The following CAAP1 variants were observed in gnomAD, a reference collection of about 807,000 sequenced individuals.
The protein encoded by CAAP1 is conserved anti-apoptotic protein.
Under a neutral mutation model 34.0 loss-of-function variants are expected in CAAP1, and 20 were observed. That is an observed-to-expected ratio of 0.59 (90% CI 0.41 to 0.86). The LOEUF (loss-of-function observed/expected upper bound fraction) is 0.86, where lower values mean the gene tolerates loss of function less well. CAAP1 is among the 40% of genes least tolerant of loss of function. The pLI is 0.00. For missense variants in CAAP1, 538 were observed against 450.5 expected, an observed-to-expected ratio of 1.19 and a Z score of -1.76; for synonymous variants, 213 against 166.7, an observed-to-expected ratio of 1.28 and a Z score of -2.14.
rs1053537547 is a variant in CAAP1, at chr9:26,841,329, A to T, written c.*972T>A. 5.2e-5 allele frequency: 8 copies of T among 152,616 alleles called. No homozygotes were observed. The highest frequency in any genetic ancestry group is 1.9e-4 in the African/African-American group (8 of 41,464). The allele number at this position is 152,616 out of a possible 1,614,324, so 9.5% of individuals were successfully genotyped here. A position where few individuals can be genotyped will look rare whatever the true frequency, so the allele number is the denominator to read the frequency against. On this transcript the variant is annotated 3_prime_UTR_variant, in exon 6 of 6. Transcript: ENST00000333916. ...ATTTTGGTATCAAACAACTGCAATTAGTGATGGGGGGATAAAAGCATCCCT... is the reference window on the plus strand; with the variant it reads ...ATTTTGGTATCAAACAACTGCAATTTGTGATGGGGGGATAAAAGCATCCCT...
At chr9:26,890,043 T>C (rs998766225) in intron 1 of CAAP1, among the ~76,000 whole-genome samples, 6 of 152,090 alleles carry the variant, frequency 3.9e-5, no homozygotes, top group African/African-American at 9.7e-5. Context: ...CAATATTCAA[T>C]TGACCAGTGT....
chr9:26,843,730 G>C lies in CAAP1; in HGVS notation c.740-1083C>G, dbSNP rs12351240. 8.2e-3 allele frequency among the ~76,000 whole-genome samples: 1,250 copies of C among 151,950 alleles called. 13 individuals carry two copies. Among genetic ancestry groups the C allele is most frequent in the African/African-American group, 0.028 (1,178 of 41,454 alleles). On this transcript the variant is annotated intron_variant, in intron 5 of 5. Coordinates refer to ENST00000333916, the MANE Select transcript of CAAP1 (RefSeq NM_024828.4). ...TGACAGATGGTAAATTCTGATAACA[G>C]ACTGTACAGGAAGGACATAAACAAT...
At chr9:26,844,900 C>T (rs1822561374) in intron 5 of CAAP1, among the ~76,000 whole-genome samples, 1 of 152,166 alleles carries the variant, frequency 6.6e-6, no homozygotes, top group African/African-American at 2.4e-5. Flanking sequence ...TGATGTTCTA[C>T]ACGTGGCAAG....
intron 5 of CAAP1, among the ~76,000 whole-genome samples, chr9:26,856,739 T>C (rs1168424756): frequency 2.6e-5 from 4 of 152,176 alleles, no homozygotes; most frequent in Admixed American, 6.5e-5. Context: ...TCCAAGGCCA[T>C]ACAGAAAAAA....
At chr9:26,883,442 CTT>C (rs1375374356) in intron 4 of CAAP1, among the ~76,000 whole-genome samples, 1 of 152,152 alleles carries the variant, frequency 6.6e-6, no homozygotes, top group South Asian at 2.1e-4. Flanking sequence ...CATTAAATCT[CTT>C]TTTCCTTATA....
chr9:26,879,809 G>A (rs1004999493), intron 4 of CAAP1, among the ~76,000 whole-genome samples: 4 of 152,178 alleles, frequency 2.6e-5, no homozygotes, highest in African/African-American at 4.8e-5. Flanking sequence ...AGGGGCTCTC[G>A]GCCTTTGGCC....
At chr9:26,842,780 A>C in intron 5 of CAAP1, 133 bp from the exon 6 acceptor site, 1 of 641,518 alleles carries the variant, frequency 1.6e-6, no homozygotes, top group Non-Finnish European at 2.6e-6. Context: ...CATAATCCCC[A>C]TGCCACCCTC....
intron 3 of CAAP1, among the ~76,000 whole-genome samples, chr9:26,885,781 A>G (rs780846987): frequency 5.4e-4 from 83 of 152,308 alleles, no homozygotes; most frequent in Non-Finnish European, 9.4e-4. Flanking sequence ...AAAGCAGAAA[A>G]TTAAAAAGAT....
At chr9:26,848,358 C>CA (rs941184559) in intron 5 of CAAP1, among the ~76,000 whole-genome samples, 3 of 151,628 alleles carry the variant, frequency 2.0e-5, no homozygotes, top group South Asian at 2.1e-4. Context: ...CCAAAAAATA[C>CA]AAAAAAAATT....
intron 5 of CAAP1, among the ~76,000 whole-genome samples, chr9:26,852,023 A>T (rs1422275214): frequency 6.6e-6 from 1 of 152,112 alleles, no homozygotes; most frequent in Non-Finnish European, 1.5e-5. Flanking sequence ...CTTGATTCTA[A>T]TTTTAGATAA....
chr9:26,862,002 G>GTT (rs112458124), intron 4 of CAAP1, among the ~76,000 whole-genome samples: 6,478 of 152,188 alleles, frequency 0.043, 467 homozygotes, highest in African/African-American at 0.15. Flanking sequence ...GCACTTAAAT[G>GTT]TGTTTTGTAT....
chr9:26,875,471 G>C (rs1823406719), intron 4 of CAAP1, among the ~76,000 whole-genome samples: 1 of 152,104 alleles, frequency 6.6e-6, no homozygotes, highest in Non-Finnish European at 1.5e-5. Flanking sequence ...CCTACTAAAA[G>C]AAAACATCAA....
At chr9:26,877,234 T>C (rs1399919985) in intron 4 of CAAP1, among the ~76,000 whole-genome samples, 4 of 152,206 alleles carry the variant, frequency 2.6e-5, no homozygotes, top group Non-Finnish European at 5.9e-5. Context: ...GAATTTAATG[T>C]TTAGACTTGG....
intron 4 of CAAP1, among the ~76,000 whole-genome samples, chr9:26,877,993 G>A (rs563048563): frequency 6.6e-6 from 1 of 152,056 alleles, no homozygotes; most frequent in African/African-American, 2.4e-5. Flanking sequence ...ACATGAGGAT[G>A]ATAAAGCCTT....
chr9:26,886,241 T>A, intron 2 of CAAP1, 53 bp from the exon 3 acceptor site: 1 of 866,242 alleles, frequency 1.2e-6, no homozygotes, highest in Non-Finnish European at 1.7e-6. Context: ...AGCCCCAATG[T>A]AAACTGGAAA....
intron 5 of CAAP1, among the ~76,000 whole-genome samples, chr9:26,849,410 T>C (rs1822689394): frequency 6.6e-6 from 1 of 152,200 alleles, no homozygotes; most frequent in African/African-American, 2.4e-5. Context: ...AAGGAATATA[T>C]CGTATCTTCT....
intron 4 of CAAP1, among the ~76,000 whole-genome samples, 153 bp downstream of exon 4, chr9:26,884,657 G>A (rs184197990): frequency 5.9e-5 from 9 of 152,126 alleles, no homozygotes; most frequent in African/African-American, 2.2e-4. Context: ...ATACCAAAAG[G>A]ACCAATCATT....
chr9:26,868,802 AGGAAGGT>A (rs1350571165), intron 4 of CAAP1, among the ~76,000 whole-genome samples: 1 of 152,214 alleles, frequency 6.6e-6, no homozygotes, highest in African/African-American at 2.4e-5. Flanking sequence ...AAGAGACAAT[AGGAAGGT>A]GGACGCAGTT....
chr9:26,881,953 A>G (rs1241830153), intron 4 of CAAP1, among the ~76,000 whole-genome samples: 4 of 152,194 alleles, frequency 2.6e-5, no homozygotes, highest in Non-Finnish European at 5.9e-5. Context: ...GACTCTTGCT[A>G]TATTTTAGCA....
Sources: gnomAD v4.1 joint callset for allele counts (sites outside exome capture counted in the v4.1 genomes callset) on GRCh38, gnomAD v4.1.1 for gene constraint, MANE v1.5 for transcripts, NCBI Gene and HGNC (gene_info 2026-07-23, HGNC 2026-07-21) for gene names.